The following PLXDC2 variants were observed in gnomAD, a reference collection of about 807,000 sequenced individuals.
PLXDC2 encodes plexin domain-containing protein 2.
A neutral mutation model predicts 68.9 loss-of-function variants in PLXDC2; 40 were observed. The observed-to-expected ratio is 0.58, with a 90% CI of 0.45 to 0.76. The LOEUF (loss-of-function observed/expected upper bound fraction) is 0.76. PLXDC2 is among the 30% of genes least tolerant of loss of function. The pLI, the probability that PLXDC2 is intolerant of heterozygous loss-of-function variation, is 0.00. For synonymous variants in PLXDC2, 243 were observed against 234.2 expected (o/e 1.04, Z -0.34); for missense variants, 644 against 661.9 (o/e 0.97, Z 0.30).
At chr10:20,137,881 A>C (rs554347496) in intron 4 of PLXDC2, among the ~76,000 whole-genome samples, 138 of 152,242 alleles carry the variant, frequency 9.1e-4, no homozygotes, top group Non-Finnish European at 1.5e-3. Context: ...GCATGTCGAC[A>C]TGGTCTCAGT....
chr10:19,995,522 A>C (rs1466678644), intron 1 of PLXDC2, among the ~76,000 whole-genome samples: 1 of 152,232 alleles, frequency 6.6e-6, no homozygotes, highest in Non-Finnish European at 1.5e-5. Context: ...CCCAGAAGGA[A>C]GGAAGGTGTT....
At chr10:20,146,488 T>TCTCCTTCC in intron 5 of PLXDC2, among the ~76,000 whole-genome samples, 1 of 81,336 alleles carries the variant, frequency 1.2e-5, no homozygotes, top group Non-Finnish European at 2.4e-5. Flanking sequence ...TTCTTTTCTT[T>TCTCCTTCC]TTCCTTCCTT....
chr10:19,913,006 A>C lies in PLXDC2; in HGVS notation c.113-88769A>C, dbSNP rs1470758484. Among the ~76,000 whole-genome samples, 7 of 152,332 alleles carry C rather than the reference A, an allele frequency of 4.6e-5. No individual in the cohort carries two copies. The East Asian group carries it at 1.4e-3, about 29-fold the overall frequency. ...TTTTCTTAAGCTTTGACTCGAGAGC[A>C]TGACTTTAGTAGGTTCTAGTGTCCT... On this transcript the variant is annotated intron_variant, in intron 1 of 13. Transcript: ENST00000377252.
At chr10:20,118,878 A>C (rs973846155) in intron 4 of PLXDC2, among the ~76,000 whole-genome samples, 2 of 151,760 alleles carry the variant, frequency 1.3e-5, no homozygotes, top group African/African-American at 4.8e-5. Flanking sequence ...TATTTGTAAC[A>C]ATGCAATTAT....
At chr10:20,251,821 G>C (rs979112147) in intron 13 of PLXDC2, among the ~76,000 whole-genome samples, 4 of 151,736 alleles carry the variant, frequency 2.6e-5, no homozygotes, top group African/African-American at 9.7e-5. Context: ...GCTAGTATTT[G>C]GACACTCATG....
At chr10:19,936,047 G>A (rs900223657) in intron 1 of PLXDC2, among the ~76,000 whole-genome samples, 1 of 152,312 alleles carries the variant, frequency 6.6e-6, no homozygotes, top group East Asian at 1.9e-4. Context: ...GAAACAAAAT[G>A]TATAAATTTG....
At chr10:20,069,001 A>G (rs1012908480) in intron 4 of PLXDC2, among the ~76,000 whole-genome samples, 5 of 152,140 alleles carry the variant, frequency 3.3e-5, no homozygotes, top group Admixed American at 3.3e-4. Flanking sequence ...ACACATAAAA[A>G]TGGAACAGTA....
intron 1 of PLXDC2, among the ~76,000 whole-genome samples, chr10:19,999,927 C>T (rs1317658603): frequency 6.6e-6 from 1 of 152,160 alleles, no homozygotes; most frequent in African/African-American, 2.4e-5. Flanking sequence ...AGCACGGAGA[C>T]TTTTTAGAAT....
At chr10:20,074,714 G>A (rs2131713881) in intron 4 of PLXDC2, among the ~76,000 whole-genome samples, 1 of 152,164 alleles carries the variant, frequency 6.6e-6, no homozygotes, top group South Asian at 2.1e-4. Context: ...GGAATAAAAG[G>A]CTTTTTAGGA....
intron 1 of PLXDC2, among the ~76,000 whole-genome samples, chr10:19,881,888 A>G (rs1837734929): frequency 6.6e-6 from 1 of 152,230 alleles, no homozygotes; most frequent in Non-Finnish European, 1.5e-5. Context: ...CCATATTGAC[A>G]GTGTACTAAT....
At chr10:19,853,991 C>T (rs149192014) in intron 1 of PLXDC2, among the ~76,000 whole-genome samples, 121 of 152,232 alleles carry the variant, frequency 7.9e-4, no homozygotes, top group African/African-American at 2.7e-3. Flanking sequence ...ACCTGGGCAC[C>T]GGAGGTGTTG....
At chr10:20,083,504 G>A (rs931544115) in intron 4 of PLXDC2, among the ~76,000 whole-genome samples, 4 of 151,292 alleles carry the variant, frequency 2.6e-5, no homozygotes, top group East Asian at 3.9e-4. Flanking sequence ...ATTACTATGT[G>A]CATGTATTAC....
chr10:20,194,173 A>AGACGAATT (rs1430969269), intron 9 of PLXDC2, among the ~76,000 whole-genome samples: 2 of 114,464 alleles, frequency 1.7e-5, no homozygotes, highest in Non-Finnish European at 2.1e-5. Flanking sequence ...AGACTTTGAG[A>AGACGAATT]GACGAATTGA....
At position 20,283,597 on chromosome 10, in the gene PLXDC2, C is replaced by G. The variant is rs1836109714; in HGVS notation, c.*3778C>G. On this transcript the variant is annotated 3_prime_UTR_variant, in exon 14 of 14. Transcript: ENST00000377252. ...CTGAATATTTCCTTTAGTATTTGTC[C>G]CACATGACATCCATCCCATGTATTT... The G allele has an allele frequency of 6.6e-6, 1 of 152,142 alleles. No homozygotes were observed. Among genetic ancestry groups the G allele is most frequent in the Admixed American group, 6.5e-5 (1 of 15,270 alleles). 9.4% of individuals were successfully genotyped at this position (152,142 alleles called of 1,614,324 possible).
chr10:20,070,354 C>T (rs1272653862), intron 4 of PLXDC2, among the ~76,000 whole-genome samples: 1 of 152,110 alleles, frequency 6.6e-6, no homozygotes, highest in Non-Finnish European at 1.5e-5. Context: ...TTTGTTGCTT[C>T]AACCCAAGGA....
intron 1 of PLXDC2, among the ~76,000 whole-genome samples, chr10:19,839,593 C>G (rs1176863906): frequency 1.3e-5 from 2 of 149,782 alleles, no homozygotes; most frequent in African/African-American, 4.9e-5. Flanking sequence ...TTGGTTTTGT[C>G]TTCTGTAAAA....
At chr10:20,054,017 C>T (rs73603694) in intron 3 of PLXDC2, among the ~76,000 whole-genome samples, 12,801 of 152,048 alleles carry the variant, frequency 0.084, 1,126 homozygotes, top group African/African-American at 0.22. Context: ...GTAGTTAAAG[C>T]ATTAAAGCCA....
intron 4 of PLXDC2, among the ~76,000 whole-genome samples, chr10:20,135,481 T>C (rs1052278459): frequency 1.3e-5 from 2 of 152,262 alleles, no homozygotes; most frequent in East Asian, 3.9e-4. Context: ...AGGAACAAGA[T>C]GGAGGAAACA....
At chr10:19,843,317 C>T (rs1013943056) in intron 1 of PLXDC2, among the ~76,000 whole-genome samples, 17 of 151,946 alleles carry the variant, frequency 1.1e-4, no homozygotes, top group Non-Finnish European at 2.4e-4. Flanking sequence ...GATAATTATT[C>T]AATGTCAATT....
Sources: gnomAD v4.1 joint callset for allele counts (sites outside exome capture counted in the v4.1 genomes callset) on GRCh38, gnomAD v4.1.1 for gene constraint, MANE v1.5 for transcripts, NCBI Gene and HGNC (gene_info 2026-07-23, HGNC 2026-07-21) for gene names.